The following ASTN2 variants were observed in gnomAD, a reference collection of about 807,000 sequenced individuals.
ASTN2 encodes the protein astrotactin-2.
Under a neutral mutation model 139.8 loss-of-function variants are expected in ASTN2, and 54 were observed. The ratio of observed to expected loss-of-function variants is 0.39; its 90% CI spans 0.31 to 0.48. ASTN2 has a LOEUF of 0.48. Among genes scored for constraint, ASTN2 ranks in the 20% least tolerant of loss-of-function variants. The probability of loss-of-function intolerance (pLI) is 0.95; values close to 1 mark genes in which losing one functional copy is unlikely to be tolerated. For missense variants in ASTN2, 1,565 were observed against 1,725.1 expected (o/e 0.91, Z 1.64); for synonymous variants, 756 against 719.5 (o/e 1.05, Z -0.81).
At chr9:116,585,349 C>T (rs1446008537) in intron 19 of ASTN2, 1 of 152,132 alleles carries the variant, frequency 6.6e-6, no homozygotes, top group African/African-American at 2.4e-5. Flanking sequence ...CAGTAGAGTG[C>T]CTGTCATACA....
At chr9:117,250,475 T>G (rs1369917515) in intron 2 of ASTN2, among the ~76,000 whole-genome samples, 1 of 152,238 alleles carries the variant, frequency 6.6e-6, no homozygotes, top group Non-Finnish European at 1.5e-5. Context: ...CTATTTCCAA[T>G]TATCTGTTAA....
At chr9:117,214,328 G>A (rs765716697) in intron 3 of ASTN2, 30 bp downstream of exon 3, 22 of 1,534,474 alleles carry the variant, frequency 1.4e-5, no homozygotes, top group Non-Finnish European at 2.0e-5. Flanking sequence ...AATGCCCCCT[G>A]GAAAATGGGC....
intron 2 of ASTN2, among the ~76,000 whole-genome samples, chr9:117,247,173 A>T (rs1032256927): frequency 6.6e-6 from 1 of 152,228 alleles, no homozygotes; most frequent in African/African-American, 2.4e-5. Flanking sequence ...GAAAAGTAAG[A>T]GGGACTCAGG....
intron 16 of ASTN2, among the ~76,000 whole-genome samples, chr9:116,666,314 C>T (rs937038040): frequency 3.9e-5 from 6 of 152,186 alleles, no homozygotes; most frequent in African/African-American, 4.8e-5. Context: ...ATTTGGGGGT[C>T]TGCAGACTTG....
At chr9:117,286,664 G>T (rs1396987387) in intron 2 of ASTN2, among the ~76,000 whole-genome samples, 1 of 152,174 alleles carries the variant, frequency 6.6e-6, no homozygotes, top group Non-Finnish European at 1.5e-5. Context: ...GTTTTCCTCT[G>T]ACTTTGCACC....
In ASTN2 at chr9:117,186,351, C is replaced by A. The variant is rs191149454; in HGVS notation, c.1015+28007G>T. Among the ~76,000 whole-genome samples, 422 of 151,270 alleles carry A rather than the reference C, an allele frequency of 2.8e-3. 1 individual carries two copies. Among genetic ancestry groups the A allele is most frequent in the African/African-American group, 9.7e-3 (400 of 41,226 alleles). On this transcript the variant is annotated intron_variant, in intron 3 of 22. Transcript: ENST00000313400. ...CACGAGGTCAGGAGATCGAGACCAC[C>A]CTGGCTAACACGGTGAAAACCCGTC...
intron 4 of ASTN2, among the ~76,000 whole-genome samples, chr9:117,124,452 T>C (rs915831969): frequency 6.6e-6 from 1 of 152,220 alleles, no homozygotes; most frequent in Non-Finnish European, 1.5e-5. Flanking sequence ...GCTTCTGGAA[T>C]CTTGCTGGAT....
In ASTN2 at chr9:117,037,083, T is replaced by G. The variant is rs559929260; in HGVS notation, c.1423+2736A>C. ...CAACATTCATCCACTGGACACATAT[T>G]TGCTGAATATCCATTATGGACAAGG... On this transcript the variant is annotated intron_variant, in intron 6 of 22. Coordinates refer to ENST00000313400, the MANE Select transcript of ASTN2 (RefSeq NM_001365068.1). Among the ~76,000 whole-genome samples the G allele has an allele frequency of 2.6e-5, 4 of 152,248 alleles. No individual in the cohort carries two copies. The East Asian group carries it at 5.8e-4, about 22-fold the overall frequency.
intron 17 of ASTN2, among the ~76,000 whole-genome samples, chr9:116,626,636 T>C (rs1212407535): frequency 2.0e-5 from 3 of 152,084 alleles, no homozygotes; most frequent in African/African-American, 7.2e-5. Flanking sequence ...ACAGTGGGGT[T>C]GATACCTTTT....
rs548344182 is a variant in ASTN2 at position 116,860,153 on chromosome 9, C to T, written c.2040+3430G>A. ...ACATGCCCTTAGCTCCTAGGCCTTA[C>T]AGGTACATTGGCCCTTTGAGCTAAA... On this transcript the variant is annotated intron_variant, in intron 11 of 22. Coordinates refer to ENST00000313400, the MANE Select transcript of ASTN2 (RefSeq NM_001365068.1). Among the ~76,000 whole-genome samples, 3 of 152,238 alleles carry T rather than the reference C, an allele frequency of 2.0e-5. No individual in the cohort carries two copies. In the South Asian group the frequency reaches 6.2e-4, roughly 32 times the overall value.
intron 5 of ASTN2, among the ~76,000 whole-genome samples, chr9:117,060,587 G>A (rs1224232641): frequency 6.6e-6 from 1 of 150,480 alleles, no homozygotes; most frequent in Non-Finnish European, 1.5e-5. Context: ...AAAGAAGGCA[G>A]GAAGGAAGGA....
At chr9:117,107,934 G>A (rs944980) in intron 4 of ASTN2, among the ~76,000 whole-genome samples, 2 of 151,952 alleles carry the variant, frequency 1.3e-5, no homozygotes, top group African/African-American at 4.8e-5. Flanking sequence ...CATAGTTGCA[G>A]TATTCCCTGA....
At chr9:116,625,826 T>C (rs1856423446) in intron 17 of ASTN2, among the ~76,000 whole-genome samples, 1 of 152,100 alleles carries the variant, frequency 6.6e-6, no homozygotes, top group South Asian at 2.1e-4. Flanking sequence ...TACTGAACTC[T>C]AGGAAGGAGG....
intron 2 of ASTN2, among the ~76,000 whole-genome samples, chr9:117,253,191 C>A (rs1833585530): frequency 6.6e-6 from 1 of 152,142 alleles, no homozygotes; most frequent in South Asian, 2.1e-4. Context: ...AGGAGAGATC[C>A]CTTGATAAGG....
intron 19 of ASTN2, among the ~76,000 whole-genome samples, chr9:116,558,051 A>G (rs1474114741): frequency 6.6e-6 from 1 of 152,220 alleles, no homozygotes; most frequent in Admixed American, 6.5e-5. Flanking sequence ...TCTTTCAGCA[A>G]ATGAGTACTG....
chr9:117,263,633 A>T (rs1018457657), intron 2 of ASTN2, among the ~76,000 whole-genome samples: 4 of 152,200 alleles, frequency 2.6e-5, no homozygotes, highest in African/African-American at 9.6e-5. Flanking sequence ...GAATTGAAGT[A>T]GTGATCCTCA....
At chr9:116,742,784 A>G (rs1435436141) in intron 13 of ASTN2, among the ~76,000 whole-genome samples, 1 of 148,962 alleles carries the variant, frequency 6.7e-6, no homozygotes, top group Non-Finnish European at 1.5e-5. Context: ...CAATTAAAAT[A>G]TAAAATTAAA....
intron 1 of ASTN2, among the ~76,000 whole-genome samples, chr9:117,369,072 C>A (rs1829924316): frequency 6.6e-6 from 1 of 152,130 alleles, no homozygotes; most frequent in South Asian, 2.1e-4. Context: ...CACAGGCCAG[C>A]CTGGATTAAC....
At chr9:117,409,532 G>A (rs1283839374) in intron 1 of ASTN2, among the ~76,000 whole-genome samples, 1 of 152,158 alleles carries the variant, frequency 6.6e-6, no homozygotes, top group African/African-American at 2.4e-5. Context: ...AGCTCCAGGG[G>A]ACACAGCCTC....
Sources: allele counts gnomAD v4.1 joint callset (sites outside exome capture counted in the v4.1 genomes callset), GRCh38; gene constraint gnomAD v4.1.1; transcripts MANE v1.5; gene names NCBI Gene and HGNC (gene_info 2026-07-23, HGNC 2026-07-21).